WDR47: variants seen among roughly 807,000 people sequenced by gnomAD.
The protein encoded by WDR47 is WD repeat-containing protein 47.
Under a neutral mutation model 97.2 loss-of-function variants are expected in WDR47, and 32 were observed. That is an observed-to-expected ratio of 0.33 (90% CI 0.25 to 0.44). The LOEUF is 0.44. Ranked by LOEUF, WDR47 falls within the 20% of genes least tolerant of loss-of-function variation. The pLI, the probability that WDR47 is intolerant of heterozygous loss-of-function variation, is 1.00. For synonymous variants in WDR47, 375 were observed against 373.5 expected (o/e 1.00, Z -0.05); for missense variants, 782 against 1,102.3 (o/e 0.71, Z 4.11).
At chr1:108,982,875 T>A (rs562271635) in intron 11 of WDR47, 96 bp from the exon 12 acceptor site, 2 of 1,317,694 alleles carry the variant, frequency 1.5e-6, no homozygotes, top group East Asian at 2.4e-5. Flanking sequence ...TCAAGAATAA[T>A]GGTTTAGAAA....
chr1:109,039,192 T>C (rs1663172291), intron 1 of WDR47, among the ~76,000 whole-genome samples: 1 of 152,116 alleles, frequency 6.6e-6, no homozygotes, highest in Non-Finnish European at 1.5e-5. Context: ...GATCGAGCTA[T>C]TACAGTGAAT....
At chr1:108,986,881 A>C (rs1658871390) in intron 9 of WDR47, 1 of 452,650 alleles carries the variant, frequency 2.2e-6, no homozygotes, top group East Asian at 3.7e-5. Flanking sequence ...GCAAACACAC[A>C]GACAAGTAGG....
rs1182297372 is a variant in WDR47 at position 109,032,325 on chromosome 1, G to A, written c.-9-8804C>T. On this transcript the variant is annotated intron_variant, in intron 1 of 14. Coordinates refer to ENST00000369962, the MANE Select transcript of WDR47 (RefSeq NM_001142551.2). ...AGATCGAGACCATCCTGGCTAACAC[G>A]GTGAAACCCCGTCTCTACTAAAAAT... Among the ~76,000 whole-genome samples, 7 of 133,644 alleles carry A rather than the reference G, an allele frequency of 5.2e-5. 2 individuals carry two copies. Among genetic ancestry groups the A allele is most frequent in the Admixed American group, 5.0e-4 (6 of 12,058 alleles). The allele number at this position is 133,644 out of a possible 152,430, so 87.7% of individuals were successfully genotyped here. A position where few individuals can be genotyped will look rare whatever the true frequency, so the allele number is the denominator to read the frequency against.
intron 1 of WDR47, among the ~76,000 whole-genome samples, chr1:109,033,615 CTGT>C (rs1247808819): frequency 3.3e-5 from 5 of 152,186 alleles, no homozygotes; most frequent in African/African-American, 1.2e-4. Context: ...CCTTCATATA[CTGT>C]TGTTAAGAAT....
chr1:109,037,759 T>A (rs1189094465), intron 1 of WDR47, among the ~76,000 whole-genome samples: 1 of 151,940 alleles, frequency 6.6e-6, no homozygotes, highest in Admixed American at 6.6e-5. Context: ...GAAAAAAACA[T>A]TATTTGAGTT....
At chr1:109,028,362 G>GTTTTTTTTTTTTTTTTTTTTTT (rs372929187) in intron 1 of WDR47, among the ~76,000 whole-genome samples, 1 of 79,788 alleles carries the variant, frequency 1.3e-5, no homozygotes, top group African/African-American at 5.1e-5. Flanking sequence ...TTTTTGTTGG[G>GTTTTTTTTTTTTTTTTTTTTTT]TTTTTTTTTT....
At chr1:109,029,803 G>C (rs1662487526) in intron 1 of WDR47, among the ~76,000 whole-genome samples, 1 of 151,000 alleles carries the variant, frequency 6.6e-6, no homozygotes, top group African/African-American at 2.4e-5. Flanking sequence ...TTGAGCCCAG[G>C]AGGTGGAGGC....
chr1:109,004,556 A>G (rs746562192), intron 6 of WDR47, 36 bp downstream of exon 6: 12 of 1,586,120 alleles, frequency 7.6e-6, no homozygotes, highest in African/African-American at 1.4e-5. Context: ...TACAAAGAGA[A>G]TAACTCTGAA....
intron 6 of WDR47, among the ~76,000 whole-genome samples, chr1:109,002,681 G>A (rs1304637012): frequency 6.6e-6 from 1 of 152,140 alleles, no homozygotes; most frequent in Non-Finnish European, 1.5e-5. Flanking sequence ...TGGTTACAAG[G>A]GGGCCATGAT....
At chr1:109,006,485 G>T (rs1387309109) in intron 5 of WDR47, among the ~76,000 whole-genome samples, 1 of 152,140 alleles carries the variant, frequency 6.6e-6, no homozygotes, top group Non-Finnish European at 1.5e-5. Context: ...CCACAAAGAA[G>T]AATTTGTAAG....
intron 7 of WDR47, among the ~76,000 whole-genome samples, chr1:108,996,228 A>T (rs1248917331): frequency 2.0e-5 from 3 of 151,986 alleles, no homozygotes; most frequent in Non-Finnish European, 2.9e-5. Flanking sequence ...CTAACTTTTT[A>T]AATTTTTTGT....
chr1:108,993,831 A>C (rs1285524525), intron 8 of WDR47, among the ~76,000 whole-genome samples: 1 of 152,192 alleles, frequency 6.6e-6, no homozygotes, highest in East Asian at 1.9e-4. Flanking sequence ...AATATTAAGA[A>C]AACTCATCAT....
chr1:108,974,484 G>C (rs1657729464), intron 14 of WDR47, 52 bp downstream of exon 14: 2 of 1,464,674 alleles, frequency 1.4e-6, no homozygotes, highest in South Asian at 2.5e-5. Flanking sequence ...AAAAAATAAA[G>C]GTCCCAAATA....
At chr1:109,032,335 C>T (rs28387684) in intron 1 of WDR47, among the ~76,000 whole-genome samples, 2 of 132,038 alleles carry the variant, frequency 1.5e-5, no homozygotes, top group African/African-American at 5.4e-5. Flanking sequence ...GGTGAAACCC[C>T]GTCTCTACTA....
Position 109,012,729 on chromosome 1 carries a change from A to AC in WDR47, c.328-1012dup, listed in dbSNP as rs552538197. On this transcript the variant is annotated intron_variant, in intron 4 of 14. Coordinates refer to ENST00000369962, the MANE Select transcript of WDR47 (RefSeq NM_001142551.2). ...TCATAAGCTTTTAATGATGTAAGGA[A>AC]CTTCAGCACTCACCTAGTCTAGCCA... 1.1e-4 allele frequency among the ~76,000 whole-genome samples: 16 copies of AC among 152,248 alleles called. No homozygotes were observed. The East Asian group carries it at 3.1e-3, about 29-fold the overall frequency.
chr1:109,010,854 T>C (rs770639845), intron 5 of WDR47, 62 bp downstream of exon 5: 1 of 1,503,226 alleles, frequency 6.7e-7, no homozygotes, highest in African/African-American at 1.4e-5. Context: ...AGTGCTGGGA[T>C]TACAGGCATA....
intron 2 of WDR47, among the ~76,000 whole-genome samples, chr1:109,017,896 A>G (rs1571228067): frequency 6.6e-6 from 1 of 151,374 alleles, no homozygotes; most frequent in African/African-American, 2.4e-5. Flanking sequence ...ATAGGCTCGC[A>G]CCACTAAGCC....
intron 9 of WDR47, among the ~76,000 whole-genome samples, chr1:108,988,304 A>AG: frequency 7.1e-6 from 1 of 140,596 alleles, no homozygotes; most frequent in Non-Finnish European, 1.6e-5. Context: ...TTAACTATTA[A>AG]GAAAAAAAAA....
rs1434441460 is a variant in WDR47 at position 108,970,634 on chromosome 1, T to C, written c.*796A>G. 1 of 152,696 alleles carries C rather than the reference T, an allele frequency of 6.5e-6. No individual in the cohort carries two copies. Among genetic ancestry groups the C allele is most frequent in the Non-Finnish European group, 1.5e-5 (1 of 68,050 alleles). The allele number at this position is 152,696 out of a possible 1,614,324, so 9.5% of individuals were successfully genotyped here. On this transcript the variant is annotated 3_prime_UTR_variant, in exon 15 of 15. Transcript: ENST00000369962. ...AGGAGAAAAATGCCAGTAAATTTAC[T>C]GTACCATCAAGTGTTGCATCACATA...
Sources: allele counts gnomAD v4.1 joint callset (sites outside exome capture counted in the v4.1 genomes callset), GRCh38; gene constraint gnomAD v4.1.1; transcripts MANE v1.5; gene names NCBI Gene and HGNC (gene_info 2026-07-23, HGNC 2026-07-21).